FBXL20: variants seen among roughly 807,000 people sequenced by gnomAD.
The protein encoded by FBXL20 is F-box/LRR-repeat protein 20.
Under a neutral mutation model 64.0 loss-of-function variants are expected in FBXL20, and 11 were observed. The ratio of observed to expected loss-of-function variants is 0.17; its 90% CI spans 0.11 to 0.28. The LOEUF (loss-of-function observed/expected upper bound fraction) is 0.28. Ranked by LOEUF, FBXL20 falls within the 10% of genes least tolerant of loss-of-function variation. The pLI, the probability that FBXL20 is intolerant of heterozygous loss-of-function variation, is 1.00. For missense variants in FBXL20, 303 were observed against 526.2 expected (o/e 0.58, Z 4.15); for synonymous variants, 184 against 189.0 (o/e 0.97, Z 0.22).
At chr17:39,327,113 T>C (rs1276090194) in intron 2 of FBXL20, among the ~76,000 whole-genome samples, 2 of 152,090 alleles carry the variant, frequency 1.3e-5, no homozygotes, top group African/African-American at 2.4e-5. Context: ...CTTAAACTCC[T>C]GACTTCAAAT....
intron 2 of FBXL20, among the ~76,000 whole-genome samples, chr17:39,306,074 AG>A (rs2047179535): frequency 6.6e-6 from 1 of 151,730 alleles, no homozygotes; most frequent in Non-Finnish European, 1.5e-5. Flanking sequence ...CTGATGTAGG[AG>A]GATCTATTGT....
chr17:39,374,182 G>A (rs1389614014), intron 1 of FBXL20, among the ~76,000 whole-genome samples: 6 of 149,722 alleles, frequency 4.0e-5, no homozygotes, highest in South Asian at 2.1e-4. Context: ...CCAAGATCAC[G>A]GCACTGCACA....
At chr17:39,319,193 G>A (rs1460029951) in intron 2 of FBXL20, among the ~76,000 whole-genome samples, 5 of 151,850 alleles carry the variant, frequency 3.3e-5, no homozygotes, top group African/African-American at 4.8e-5. Context: ...AGGTTGCAGC[G>A]AGTTGAGATC....
rs2144688253 is a variant in FBXL20 at position 39,396,973 on chromosome 17, A to G, written c.42+4388T>C. On this transcript the variant is annotated intron_variant, in intron 1 of 14. Transcript: ENST00000264658. ...CTCCGGCTCAAAAAAAAAAAAAAAA[A>G]AAATCCAGGTCTCTCCACTCACAAT... Among the ~76,000 whole-genome samples the G allele has an allele frequency of 1.3e-5, 2 of 152,202 alleles. 1 individual carries two copies. The highest frequency in any genetic ancestry group is 4.2e-4 in the South Asian group (2 of 4,812).
chr17:39,302,365 C>T (rs2047143875), intron 3 of FBXL20, among the ~76,000 whole-genome samples: 1 of 148,994 alleles, frequency 6.7e-6, no homozygotes, highest in Non-Finnish European at 1.5e-5. Flanking sequence ...CATGCACCAC[C>T]GCATTTGGCT....
chr17:39,355,679 ACCCCGTCT>A (rs2047729526), intron 1 of FBXL20, among the ~76,000 whole-genome samples: 1 of 151,280 alleles, frequency 6.6e-6, no homozygotes, highest in Non-Finnish European at 1.5e-5. Context: ...ACATGGTGAA[ACCCCGTCT>A]CTACTAAAAA....
At chr17:39,370,293 C>A (rs1485540764) in intron 1 of FBXL20, among the ~76,000 whole-genome samples, 2 of 141,308 alleles carry the variant, frequency 1.4e-5, no homozygotes, top group African/African-American at 5.3e-5. Context: ...GAGTTCGAGA[C>A]CAGCCTGGCC....
At chr17:39,396,904 C>G (rs1276080423) in intron 1 of FBXL20, among the ~76,000 whole-genome samples, 1 of 150,432 alleles carries the variant, frequency 6.6e-6, no homozygotes, top group African/African-American at 2.5e-5. Context: ...TTGCAGTGAG[C>G]TGACATCACG....
rs149885575 is a variant in FBXL20, at chr17:39,354,360, A to G, written c.43-11119T>C. Among the ~76,000 whole-genome samples the G allele has an allele frequency of 4.0e-3, 604 of 152,324 alleles. 6 individuals are homozygous for G. The highest frequency in any genetic ancestry group is 0.014 in the African/African-American group (577 of 41,564). ...TGAAATCTGCCTACTCTGTCAATAC[A>G]AAGAGATTAATGTTCATCGCACTTA... On this transcript the variant is annotated intron_variant, in intron 1 of 14. Coordinates refer to ENST00000264658, the MANE Select transcript of FBXL20 (RefSeq NM_032875.3).
chr17:39,387,268 T>C (rs1260878109), intron 1 of FBXL20, among the ~76,000 whole-genome samples: 1 of 150,670 alleles, frequency 6.6e-6, no homozygotes, highest in Admixed American at 6.7e-5. Flanking sequence ...GTTAGGTGTA[T>C]TAACTGCACT....
At chr17:39,283,727 G>C (rs551771114) in intron 7 of FBXL20, among the ~76,000 whole-genome samples, 4 of 152,068 alleles carry the variant, frequency 2.6e-5, no homozygotes, top group Non-Finnish European at 5.9e-5. Flanking sequence ...GCTGAATTTA[G>C]GATATCTTAT....
chr17:39,386,023 T>TC (rs1266418389), intron 1 of FBXL20, among the ~76,000 whole-genome samples: 3 of 45,882 alleles, frequency 6.5e-5, no homozygotes, highest in African/African-American at 4.3e-4. Context: ...AGATTCCGTC[T>TC]CAAAAAAAAA....
chr17:39,347,597 G>C (rs1411614523), intron 1 of FBXL20, among the ~76,000 whole-genome samples: 1 of 152,150 alleles, frequency 6.6e-6, no homozygotes, highest in Non-Finnish European at 1.5e-5. Flanking sequence ...TTAGTCCTTT[G>C]TCAGATGGGA....
chr17:39,316,575 G>A (rs958480920), intron 2 of FBXL20, among the ~76,000 whole-genome samples: 6 of 152,186 alleles, frequency 3.9e-5, no homozygotes, highest in African/African-American at 1.4e-4. Flanking sequence ...GCTTCCACTG[G>A]CCAAATCTGG....
At chr17:39,401,832 C>A (rs556397198), upstream of FBXL20, 2 of 531,790 alleles carry the variant, frequency 3.8e-6, no homozygotes, top group Non-Finnish European at 5.1e-6. Context: ...TGCGCGGCGG[C>A]GGCACGACCC....
Position 39,334,322 on chromosome 17 carries a change from A to T in FBXL20, c.104+8858T>A, listed in dbSNP as rs373345147. On this transcript the variant is annotated intron_variant, in intron 2 of 14. Transcript: ENST00000264658. ...TCCCTAATCTCAAGTACCCAGGGAC[A>T]CAAACACTGCGGAAGGCAGCAGGGC... Among the ~76,000 whole-genome samples, 8 of 152,278 alleles carry T rather than the reference A, an allele frequency of 5.3e-5. No homozygotes were observed. In the East Asian group the frequency reaches 1.2e-3, roughly 22 times the overall value.
intron 2 of FBXL20, among the ~76,000 whole-genome samples, chr17:39,339,960 A>G (rs1284586709): frequency 1.3e-5 from 2 of 149,614 alleles, no homozygotes; most frequent in Non-Finnish European, 3.0e-5. Flanking sequence ...TTTTTTTGAA[A>G]TGCAGTCTCG....
chr17:39,350,842 T>C (rs1331233829), intron 1 of FBXL20, among the ~76,000 whole-genome samples: 1 of 152,092 alleles, frequency 6.6e-6, no homozygotes, highest in African/African-American at 2.4e-5. Flanking sequence ...CCTAGACCTG[T>C]AGAATCAAAG....
At chr17:39,310,150 AT>A (rs1295992546) in intron 2 of FBXL20, among the ~76,000 whole-genome samples, 1 of 126,498 alleles carries the variant, frequency 7.9e-6, no homozygotes, top group African/African-American at 3.5e-5. Context: ...CTGTCTACAA[AT>A]TTAAAAAAAA....
Sources: gnomAD v4.1 joint callset for allele counts (sites outside exome capture counted in the v4.1 genomes callset) on GRCh38, gnomAD v4.1.1 for gene constraint, MANE v1.5 for transcripts, NCBI Gene and HGNC (gene_info 2026-07-23, HGNC 2026-07-21) for gene names.